The following EPB41L2 variants were observed in gnomAD, a reference collection of about 807,000 sequenced individuals.
EPB41L2 encodes the protein band 4.1-like protein 2.
EPB41L2 carries 43 observed loss-of-function variants against 113.0 expected under a neutral mutation model. That is an observed-to-expected ratio of 0.38 (90% CI 0.30 to 0.49). EPB41L2 has a LOEUF of 0.49. EPB41L2 is among the 20% of genes least tolerant of loss of function. EPB41L2 has a pLI of 0.95. For synonymous variants in EPB41L2, 442 were observed against 436.7 expected (o/e 1.01, Z -0.15); for missense variants, 1,147 against 1,223.4 (o/e 0.94, Z 0.93).
rs1042854830 is a variant in EPB41L2, at chr6:130,964,170, T to C, written c.-14-7671A>G. ...CCAAGTAGCTGGGATTACAGGTGCA[T>C]GCCACCATGCCCGGCTAATTTTTGT... On this transcript the variant is annotated intron_variant, in intron 1 of 19. Coordinates refer to ENST00000337057, the MANE Select transcript of EPB41L2 (RefSeq NM_001431.4). Among the ~76,000 whole-genome samples the C allele has an allele frequency of 5.9e-5, 9 of 152,142 alleles. No homozygotes were observed. The East Asian group carries it at 1.5e-3, about 26-fold the overall frequency.
At chr6:131,022,513 A>G (rs1789741836) in intron 1 of EPB41L2, among the ~76,000 whole-genome samples, 1 of 152,202 alleles carries the variant, frequency 6.6e-6, no homozygotes, top group Admixed American at 6.5e-5. Flanking sequence ...ATAAATTACT[A>G]ACAGGCTTGA....
chr6:130,899,321 C>T (rs977677288), intron 8 of EPB41L2, among the ~76,000 whole-genome samples, 170 bp downstream of exon 8: 3 of 151,876 alleles, frequency 2.0e-5, no homozygotes, highest in African/African-American at 7.3e-5. Context: ...ATGGTCCCTC[C>T]CACAACCAAA....
At chr6:131,057,128 A>G (rs1797756012) in intron 1 of EPB41L2, among the ~76,000 whole-genome samples, 1 of 152,212 alleles carries the variant, frequency 6.6e-6, no homozygotes, top group African/African-American at 2.4e-5. Context: ...CGAAAATAAG[A>G]ACTGAAACAT....
rs1554265713 is a variant in EPB41L2 at position 130,902,406 on chromosome 6, C to CT, written c.930-1227dup. Among the ~76,000 whole-genome samples, 6 of 152,336 alleles carry CT rather than the reference C, an allele frequency of 3.9e-5. 1 individual carries two copies. In the South Asian group the frequency reaches 8.3e-4, roughly 21 times the overall value. On this transcript the variant is annotated intron_variant, in intron 6 of 19. Transcript: ENST00000337057. ...TACATCATCAGGCAGGGCGGGGACT[C>CT]TGTTTATCATCACTATAGTCCCACA...
intron 3 of EPB41L2, among the ~76,000 whole-genome samples, chr6:130,951,405 A>C (rs2128610672): frequency 7.1e-6 from 1 of 141,494 alleles, no homozygotes; most frequent in Middle Eastern, 3.8e-3. Flanking sequence ...GCTCACTGCA[A>C]CCTCTGCCCC....
At chr6:131,016,239 T>C (rs1448898833) in intron 1 of EPB41L2, among the ~76,000 whole-genome samples, 1 of 152,214 alleles carries the variant, frequency 6.6e-6, no homozygotes, top group Non-Finnish European at 1.5e-5. Context: ...AAAATTATTC[T>C]GTGGAATTTT....
At chr6:130,915,078 C>T (rs533415201) in intron 4 of EPB41L2, among the ~76,000 whole-genome samples, 34 of 151,536 alleles carry the variant, frequency 2.2e-4, no homozygotes, top group Non-Finnish European at 4.3e-4. Context: ...CCGAGGCGGG[C>T]GGATCACGAG....
chr6:130,995,492 C>A (rs1335615034), intron 1 of EPB41L2, among the ~76,000 whole-genome samples: 5 of 152,140 alleles, frequency 3.3e-5, no homozygotes, highest in Non-Finnish European at 7.3e-5. Flanking sequence ...CAGAGTGAGA[C>A]CCTGTCTCAA....
intron 1 of EPB41L2, among the ~76,000 whole-genome samples, chr6:131,039,204 G>A (rs145667478): frequency 1.3e-5 from 2 of 152,302 alleles, no homozygotes; most frequent in African/African-American, 4.8e-5. Context: ...TCAACAGAAT[G>A]TTTAGCTATG....
intron 1 of EPB41L2, chr6:131,062,249 C>A (rs1374792265): frequency 6.6e-6 from 1 of 151,780 alleles, no homozygotes; most frequent in East Asian, 1.9e-4. Flanking sequence ...TCTAGAGAAG[C>A]ATAACTGATG....
chr6:130,887,980 T>C (rs1791579737), intron 11 of EPB41L2, among the ~76,000 whole-genome samples: 2 of 152,222 alleles, frequency 1.3e-5, no homozygotes, highest in South Asian at 2.1e-4. Flanking sequence ...GATCTTTAGA[T>C]TGAATCCCAC....
At chr6:130,850,186 C>T (rs1778377473) in intron 19 of EPB41L2, among the ~76,000 whole-genome samples, 1 of 152,094 alleles carries the variant, frequency 6.6e-6, no homozygotes, top group Non-Finnish European at 1.5e-5. Flanking sequence ...TACAGTGAAC[C>T]AAGATCGTGC....
chr6:130,889,923 A>C (rs1792234959), intron 11 of EPB41L2, among the ~76,000 whole-genome samples: 1 of 152,226 alleles, frequency 6.6e-6, no homozygotes, highest in Non-Finnish European at 1.5e-5. Flanking sequence ...ATATATACTT[A>C]GCAGCTGAAC....
chr6:130,860,981 A>G (rs540314532), intron 18 of EPB41L2, among the ~76,000 whole-genome samples: 1 of 152,334 alleles, frequency 6.6e-6, no homozygotes, highest in Admixed American at 6.5e-5. Flanking sequence ...CTGTAAAAGC[A>G]TGCCTCTTTG....
chr6:131,000,109 T>C (rs897764598), intron 1 of EPB41L2, among the ~76,000 whole-genome samples: 6 of 151,980 alleles, frequency 3.9e-5, no homozygotes, highest in Admixed American at 3.9e-4. Flanking sequence ...ACCTTCCAAT[T>C]TCCTATAGAT....
intron 12 of EPB41L2, chr6:130,880,855 A>C (rs1356501699): frequency 4.5e-6 from 1 of 220,328 alleles, no homozygotes; most frequent in Non-Finnish European, 8.8e-6. Flanking sequence ...GTGATGGGGT[A>C]AAGTATAATG....
chr6:130,907,675 G>C (rs1002929361), intron 5 of EPB41L2, among the ~76,000 whole-genome samples: 1 of 152,028 alleles, frequency 6.6e-6, no homozygotes, highest in Admixed American at 6.6e-5. Context: ...AAAAAAGAGA[G>C]TAGGGAAGCA....
chr6:131,057,352 C>G (rs1399325180), intron 1 of EPB41L2, among the ~76,000 whole-genome samples: 9 of 152,208 alleles, frequency 5.9e-5, no homozygotes, highest in Non-Finnish European at 1.2e-4. Flanking sequence ...CTCTCCACCC[C>G]AGGTCAGGAG....
At chr6:131,001,180 A>C (rs1219244976) in intron 1 of EPB41L2, among the ~76,000 whole-genome samples, 4 of 152,160 alleles carry the variant, frequency 2.6e-5, no homozygotes, top group African/African-American at 9.7e-5. Context: ...CTATAAAGTG[A>C]TGTGGCTGCT....
Sources: gnomAD v4.1 joint callset for allele counts (sites outside exome capture counted in the v4.1 genomes callset) on GRCh38, gnomAD v4.1.1 for gene constraint, MANE v1.5 for transcripts, NCBI Gene and HGNC (gene_info 2026-07-23, HGNC 2026-07-21) for gene names.